MYZAP: variants seen among roughly 807,000 people sequenced by gnomAD.
The protein encoded by MYZAP is myocardial zonula adherens protein.
MYZAP carries 66 observed loss-of-function variants against 69.4 expected under a neutral mutation model. The ratio of observed to expected loss-of-function variants is 0.95; its 90% confidence interval spans 0.78 to 1.17. The LOEUF is 1.17. MYZAP is among the 50% of genes most tolerant of loss of function. The probability of loss-of-function intolerance (pLI) is 0.00; values close to 1 mark genes in which losing one functional copy is unlikely to be tolerated. For missense variants in MYZAP, 611 were observed against 556.2 expected, an observed-to-expected ratio of 1.10 and a Z score of -0.99; for synonymous variants, 256 against 205.9, an observed-to-expected ratio of 1.24 and a Z score of -2.09.
chr15:57,644,349 G>C (rs1031986547), intron 10 of MYZAP, among the ~76,000 whole-genome samples: 4 of 152,180 alleles, frequency 2.6e-5, no homozygotes, highest in African/African-American at 7.2e-5. Context: ...TGAGAAAGCT[G>C]GTCCAAGTCT....
At position 57,632,439 on chromosome 15, in the gene MYZAP, A is replaced by C. The variant is rs1212481727; in HGVS notation, c.684A>C (p.Glu228Asp). ...VENQLLKMKV[E>D]SSQEANAEVM... ...TGAAATGAGTCTCGTTGTAGGTGGA[A>C]TCGTCCCAAGAAGCCAATGCTGAGG... The change falls in exon 7 of 13, where the codon GAA becomes GAC. Residue 228 changes from glutamate (E) to aspartate (D), a missense_variant. Physicochemically the swap from Glu to Asp is conservative, Grantham distance 45. Transcript: ENST00000267853. 8 of 1,614,102 alleles carry C rather than the reference A, an allele frequency of 5.0e-6. No homozygotes were observed. The highest frequency in any genetic ancestry group is 6.8e-6 in the Non-Finnish European group (8 of 1,179,996).
intron 10 of MYZAP, chr15:57,646,732 T>A (rs1340540787): frequency 3.0e-6 from 3 of 986,382 alleles, no homozygotes; most frequent in African/African-American, 1.7e-5. Context: ...CCTTCCTGAA[T>A]GGATATCAAT....
At chr15:57,672,791 C>T (rs1381423914) in intron 11 of MYZAP, among the ~76,000 whole-genome samples, 1 of 152,180 alleles carries the variant, frequency 6.6e-6, no homozygotes, top group African/African-American at 2.4e-5. Flanking sequence ...TACTCATCAC[C>T]TTTGATTTTT....
At chr15:57,670,773 A>G (rs2038831174) in intron 11 of MYZAP, among the ~76,000 whole-genome samples, 1 of 151,744 alleles carries the variant, frequency 6.6e-6, no homozygotes, top group Non-Finnish European at 1.5e-5. Context: ...CTTTTCTCTA[A>G]TATGTTGGTG....
intron 12 of MYZAP, among the ~76,000 whole-genome samples, chr15:57,682,235 A>T (rs1391641556): frequency 2.6e-5 from 4 of 151,644 alleles, no homozygotes; most frequent in African/African-American, 9.7e-5. Context: ...ATAAAAGGGA[A>T]GAGAGAGAGA....
chr15:57,596,127 C>T (rs190227266), intron 1 of MYZAP, among the ~76,000 whole-genome samples: 121 of 152,290 alleles, frequency 7.9e-4, no homozygotes, highest in African/African-American at 2.7e-3. Context: ...AACTTGATTT[C>T]CCCTAGACAT....
At chr15:57,669,183 C>G (rs1227477726) in intron 11 of MYZAP, among the ~76,000 whole-genome samples, 1 of 152,132 alleles carries the variant, frequency 6.6e-6, no homozygotes. Context: ...GCCACCATGC[C>G]AGGCCCTGTT....
chr15:57,645,335 A>C (rs753939474), intron 10 of MYZAP, among the ~76,000 whole-genome samples: 16 of 152,246 alleles, frequency 1.1e-4, no homozygotes, highest in Non-Finnish European at 2.1e-4. Flanking sequence ...TGAGACTTTG[A>C]GTATCTGGCT....
intron 8 of MYZAP, among the ~76,000 whole-genome samples, chr15:57,634,780 A>G (rs1373572750): frequency 6.6e-6 from 1 of 152,212 alleles, no homozygotes; most frequent in African/African-American, 2.4e-5. Context: ...AGAGTCAATT[A>G]CAATCTCCCT....
intron 11 of MYZAP, among the ~76,000 whole-genome samples, chr15:57,673,477 T>C (rs2038971926): frequency 6.8e-6 from 1 of 146,260 alleles, no homozygotes; most frequent in Non-Finnish European, 1.5e-5. Context: ...TGTGTGTGTG[T>C]GTGTGTGTGT....
At chr15:57,633,022 C>T (rs1414472369) in intron 7 of MYZAP, among the ~76,000 whole-genome samples, 2 of 152,176 alleles carry the variant, frequency 1.3e-5, no homozygotes, top group South Asian at 4.1e-4. Flanking sequence ...AGCTCACTCA[C>T]TCTCTCTCTG....
At position 57,601,923 on chromosome 15, in the gene MYZAP, TGCCTTGGAGGGTGGCAATGGTGTAC is replaced by T. The variant is rs1409819951; in HGVS notation, c.76-2344_76-2320del. On this transcript the variant is annotated intron_variant, in intron 1 of 12. Transcript: ENST00000267853. ...AGAGGTGCCTGGTAGCAAAATGCAA[TGCCTTGGAGGGTGGCAATGGTGTAC>T]GTGGAAGTGCTAACATGGGTCCCAA... Among the ~76,000 whole-genome samples the T allele has an allele frequency of 4.6e-5, 7 of 152,138 alleles. No individual in the cohort carries two copies. The East Asian group carries it at 1.4e-3, about 29-fold the overall frequency.
chr15:57,637,578 G>T (rs747206424), intron 8 of MYZAP, 117 bp from the exon 9 acceptor site: 1 of 1,125,016 alleles, frequency 8.9e-7, no homozygotes, highest in Non-Finnish European at 1.3e-6. Flanking sequence ...GAGCAGGTGT[G>T]TAAAACCCAG....
At chr15:57,627,562 G>T (rs1198340377) in intron 5 of MYZAP, among the ~76,000 whole-genome samples, 3 of 152,002 alleles carry the variant, frequency 2.0e-5, no homozygotes, top group African/African-American at 7.3e-5. Flanking sequence ...AAGAGAGCTG[G>T]CTTCTTCCTT....
At chr15:57,608,151 G>A (rs1221746327) in intron 2 of MYZAP, among the ~76,000 whole-genome samples, 3 of 152,184 alleles carry the variant, frequency 2.0e-5, no homozygotes, top group East Asian at 1.9e-4. Flanking sequence ...GGATTTCCAG[G>A]GCCCTGTTAG....
intron 10 of MYZAP, among the ~76,000 whole-genome samples, chr15:57,645,714 T>C (rs560418073): frequency 6.6e-6 from 1 of 152,338 alleles, no homozygotes; most frequent in South Asian, 2.1e-4. Flanking sequence ...TAGCTATTGT[T>C]GATTTCCTGA....
intron 6 of MYZAP, among the ~76,000 whole-genome samples, chr15:57,630,637 A>G (rs1398847163): frequency 6.6e-6 from 1 of 152,136 alleles, no homozygotes; most frequent in Non-Finnish European, 1.5e-5. Context: ...TGAACTTCTA[A>G]TGCCCTAGAG....
chr15:57,621,695 C>T lies in MYZAP; in HGVS notation c.406C>T (p.Leu136=). Reference sequence around the variant, plus strand: ...GAAGATTCGACAGCTCACCCAGGAACTATCAGTAAGTCATTATCTCAGTTG... The same window carrying T: ...GAAGATTCGACAGCTCACCCAGGAATTATCAGTAAGTCATTATCTCAGTTG... ...RQKIRQLTQE[L]SVSHAQQEYL... Residue 136 remains leucine (L), a synonymous_variant, in exon 4 of 13, where the codon CTA becomes TTA. Coordinates refer to ENST00000267853, the MANE Select transcript of MYZAP (RefSeq NM_001018100.5). 1 of 1,613,690 alleles carries T rather than the reference C, an allele frequency of 6.2e-7. No individual in the cohort carries two copies. Among genetic ancestry groups the T allele is most frequent in the Non-Finnish European group, 8.5e-7 (1 of 1,179,718 alleles).
chr15:57,633,565 G>A, intron 7 of MYZAP, 48 bp from the exon 8 acceptor site: 1 of 1,565,352 alleles, frequency 6.4e-7, no homozygotes, highest in Non-Finnish European at 8.6e-7. Flanking sequence ...CCGGTGAGTA[G>A]CCTCGGTACT....
Sources: gnomAD v4.1 joint callset for allele counts (sites outside exome capture counted in the v4.1 genomes callset) on GRCh38, gnomAD v4.1.1 for gene constraint, MANE v1.5 for transcripts, NCBI Gene and HGNC (gene_info 2026-07-23, HGNC 2026-07-21) for gene names.